LNX1: variants seen among roughly 807,000 people sequenced by gnomAD.
The protein encoded by LNX1 is ligand of numb-protein X 1, also known as E3 ubiquitin-protein ligase LNX.
LNX1 carries 54 observed loss-of-function variants against 68.4 expected under a neutral mutation model. That is an observed-to-expected ratio of 0.79 (90% confidence interval 0.63 to 0.99). The LOEUF (loss-of-function observed/expected upper bound fraction) is 0.99. LNX1 is among the 50% of genes least tolerant of loss of function. The pLI is 0.00. For synonymous variants in LNX1, 336 were observed against 350.0 expected, an observed-to-expected ratio of 0.96 and a Z score of 0.45; for missense variants, 906 against 926.4, an observed-to-expected ratio of 0.98 and a Z score of 0.29.
At chr4:53,606,496 A>C (rs1219437159) in intron 2 of LNX1, among the ~76,000 whole-genome samples, 2 of 149,752 alleles carry the variant, frequency 1.3e-5, no homozygotes, top group East Asian at 2.0e-4. Context: ...CAAAAAAAAA[A>C]CAGAACAAGA....
chr4:53,575,593 T>G (rs1731430982), intron 1 of LNX1: 2 of 1,285,514 alleles, frequency 1.6e-6, no homozygotes, highest in Non-Finnish European at 2.0e-6. Flanking sequence ...TCATGGTGAT[T>G]AAGAATCCCA....
At chr4:53,493,751 T>C (rs1478013950) in intron 6 of LNX1, among the ~76,000 whole-genome samples, 1 of 152,256 alleles carries the variant, frequency 6.6e-6, no homozygotes, top group Non-Finnish European at 1.5e-5. Flanking sequence ...TCTCAAAGTA[T>C]GAAGACTTCA....
In LNX1 at chr4:53,473,462, G is replaced by T. The variant is rs116329440; in HGVS notation, c.1892+3291C>A. ...GTGGTACATATACATCATGGAATAC[G>T]ATGCAGTCATAAAGAAGAACAAGAT... On this transcript the variant is annotated intron_variant, in intron 9 of 10. Transcript: ENST00000263925. Among the ~76,000 whole-genome samples, 1,335 of 152,250 alleles carry T rather than the reference G, an allele frequency of 8.8e-3. 20 individuals are homozygous for T. Among genetic ancestry groups the T allele is most frequent in the African/African-American group, 0.03 (1,258 of 41,548 alleles).
At chr4:53,525,204 G>A (rs1727524679) in intron 2 of LNX1, among the ~76,000 whole-genome samples, 1 of 152,148 alleles carries the variant, frequency 6.6e-6, no homozygotes, top group African/African-American at 2.4e-5. Context: ...CTCTGGCCAG[G>A]CTGGGAGCAG....
At chr4:53,563,098 C>T (rs1173811251) in intron 2 of LNX1, among the ~76,000 whole-genome samples, 1 of 152,010 alleles carries the variant, frequency 6.6e-6, no homozygotes, top group Non-Finnish European at 1.5e-5. Context: ...CCCAGCTACT[C>T]GGGAGGCTGA....
chr4:53,649,199 G>T (rs1735001099), intron 1 of LNX1, among the ~76,000 whole-genome samples: 2 of 151,958 alleles, frequency 1.3e-5, no homozygotes, highest in African/African-American at 2.4e-5. Flanking sequence ...TTATATTTTG[G>T]GGTGCTTCTG....
At chr4:53,472,017 A>G (rs889419059) in intron 9 of LNX1, among the ~76,000 whole-genome samples, 1 of 152,182 alleles carries the variant, frequency 6.6e-6, no homozygotes, top group Non-Finnish European at 1.5e-5. Flanking sequence ...AAATCATGCT[A>G]CTATAAAGAC....
intron 2 of LNX1, among the ~76,000 whole-genome samples, chr4:53,555,855 T>C (rs183430029): frequency 3.3e-4 from 51 of 152,332 alleles, no homozygotes; most frequent in Admixed American, 3.2e-3. Context: ...TCAGCAAAAA[T>C]GTTGCCTTTG....
intron 2 of LNX1, among the ~76,000 whole-genome samples, chr4:53,608,867 C>A (rs1025015733): frequency 6.6e-6 from 1 of 152,052 alleles, no homozygotes; most frequent in Non-Finnish European, 1.5e-5. Flanking sequence ...AACAGAAAAC[C>A]AAATACCACA....
intron 2 of LNX1, among the ~76,000 whole-genome samples, chr4:53,598,471 G>A (rs1206009624): frequency 3.3e-5 from 5 of 152,182 alleles, no homozygotes; most frequent in African/African-American, 4.8e-5. Context: ...GGGCCCAAGC[G>A]ATCCTCCTGC....
chr4:53,467,959 G>A (rs550176412), intron 9 of LNX1, among the ~76,000 whole-genome samples: 4 of 152,236 alleles, frequency 2.6e-5, no homozygotes, highest in South Asian at 4.1e-4. Flanking sequence ...TAGCAAGGCA[G>A]GCCAACATTC....
At chr4:53,491,799 TTGTTTGTTTG>T (rs1724697043) in intron 6 of LNX1, among the ~76,000 whole-genome samples, 1 of 86,720 alleles carries the variant, frequency 1.2e-5, no homozygotes, top group South Asian at 3.9e-4. Context: ...ATACTTTTTT[TTGTTTGTTTG>T]TTTTTTGAGA....
intron 1 of LNX1, among the ~76,000 whole-genome samples, chr4:53,635,507 C>T (rs1158149824): frequency 6.6e-6 from 1 of 151,792 alleles, no homozygotes; most frequent in Admixed American, 6.6e-5. Flanking sequence ...AGAATGAGTC[C>T]ATTTGGTATT....
chr4:53,568,229 T>C (rs1386240967), intron 2 of LNX1, among the ~76,000 whole-genome samples: 1 of 151,718 alleles, frequency 6.6e-6, no homozygotes, highest in Non-Finnish European at 1.5e-5. Flanking sequence ...TTGATGAACA[T>C]TGATGCAAAA....
intron 2 of LNX1, among the ~76,000 whole-genome samples, chr4:53,514,089 A>G (rs1726561145): frequency 6.6e-6 from 1 of 152,198 alleles, no homozygotes; most frequent in South Asian, 2.1e-4. Flanking sequence ...GCCTCTGATT[A>G]AAATCCCTCT....
chr4:53,489,076 T>C (rs1724513493), intron 6 of LNX1, among the ~76,000 whole-genome samples: 1 of 152,194 alleles, frequency 6.6e-6, no homozygotes, highest in African/African-American at 2.4e-5. Flanking sequence ...TCTGTATTAA[T>C]TTGTTTGCCA....
At chr4:53,623,972 A>G (rs1733979240) in intron 1 of LNX1, among the ~76,000 whole-genome samples, 1 of 152,162 alleles carries the variant, frequency 6.6e-6, no homozygotes. Context: ...AAGGGTAGTT[A>G]TTCCTCAAAA....
In LNX1 at chr4:53,460,910, T is replaced by TA. The variant is rs749276451; in HGVS notation, c.2183dup (p.Leu728PhefsTer18). 5.0e-6 allele frequency: 8 copies of TA among 1,608,360 alleles called. No individual in the cohort carries two copies. Among genetic ancestry groups the TA allele is most frequent in the Non-Finnish European group, 5.9e-6 (7 of 1,177,918 alleles). Reference sequence around the variant, plus strand: ...TTCCTCTGACCCATCATTGATTCTATAAAAAAGTGCCAGGCCAAGAAACAA... The same window carrying TA: ...TTCCTCTGACCCATCATTGATTCTATAAAAAAAGTGCCAGGCCAAGAAACAA... On this transcript the variant is annotated frameshift_variant, in exon 11 of 11. Coordinates refer to ENST00000263925, the MANE Select transcript of LNX1 (RefSeq NM_001126328.3). LOFTEE classifies it high-confidence loss of function.
At chr4:53,521,794 G>A (rs1727242301) in intron 2 of LNX1, among the ~76,000 whole-genome samples, 1 of 151,954 alleles carries the variant, frequency 6.6e-6, no homozygotes, top group Admixed American at 6.6e-5. Flanking sequence ...TATCACCCTT[G>A]GGCCAGGCTT....
Sources: gnomAD v4.1 joint callset for allele counts (sites outside exome capture counted in the v4.1 genomes callset) on GRCh38, gnomAD v4.1.1 for gene constraint, MANE v1.5 for transcripts, NCBI Gene and HGNC (gene_info 2026-07-23, HGNC 2026-07-21) for gene names.